ATP13A4: variants seen among roughly 807,000 people sequenced by gnomAD.
The protein encoded by ATP13A4 is probable cation-transporting ATPase 13A4.
In ATP13A4, 114 loss-of-function variants were observed where a neutral mutation model predicts 142.5. The ratio of observed to expected loss-of-function variants is 0.80; its 90% CI spans 0.69 to 0.93. The LOEUF (loss-of-function observed/expected upper bound fraction) is 0.93. Among genes scored for constraint, ATP13A4 ranks in the 40% least tolerant of loss-of-function variants. The probability of loss-of-function intolerance (pLI) is 0.00; values close to 1 mark genes in which losing one functional copy is unlikely to be tolerated. For synonymous variants in ATP13A4, 488 were observed against 514.8 expected, an observed-to-expected ratio of 0.95 and a Z score of 0.70; for missense variants, 1,392 against 1,454.0, an observed-to-expected ratio of 0.96 and a Z score of 0.69.
At chr3:193,556,288 T>G (rs1325374326), upstream of ATP13A4, among the ~76,000 whole-genome samples, 2 of 152,156 alleles carry the variant, frequency 1.3e-5, no homozygotes, top group African/African-American at 4.8e-5. Context: ...CCACTGTCTG[T>G]CCCTCAAGCT....
intron 29 of ATP13A4, among the ~76,000 whole-genome samples, 171 bp from the exon 30 acceptor site, chr3:193,403,035 T>C (rs566000425): frequency 6.6e-6 from 1 of 152,328 alleles, no homozygotes; most frequent in African/African-American, 2.4e-5. Flanking sequence ...TATTGGTTTC[T>C]CAAACGTTTC....
chr3:193,465,100 G>A lies in ATP13A4; in HGVS notation c.1301C>T (p.Ala434Val), dbSNP rs1465457237. 6.8e-6 allele frequency: 11 copies of A among 1,614,014 alleles called. No homozygotes were observed. The highest frequency in any genetic ancestry group is 2.2e-5 in the East Asian group (1 of 44,882). Residue 434 changes from alanine (A) to valine (V), a missense_variant, in exon 12 of 30, where the codon GCC (alanine) becomes GTC (valine). By Grantham distance (64) the Ala-to-Val change is moderately conservative. Coordinates refer to ENST00000342695, the MANE Select transcript of ATP13A4 (RefSeq NM_032279.4). The part of the protein sequence containing the change: ...GEPPEEVVRK[A>V]LDVITIAVPP... ...AACCGCAATTGTGATGACGTCAAGG[G>A]CTTTCCTCACCACCTCCTCTGGAGG... is the stretch of plus-strand genomic sequence containing the variant.
rs564492831 is a variant in ATP13A4, at chr3:193,582,478, T to C, written n.92-572A>G. ...ATACTTTAATATATGCATGTACATA[T>C]AATATATACATGTATATACTTATAA... On this transcript the variant is annotated intron_variant and non_coding_transcript_variant, in intron 1 of 3. Coordinates refer to the ATP13A4 transcript ENST00000489140. 4.1e-5 allele frequency among the ~76,000 whole-genome samples: 6 copies of C among 145,220 alleles called. No homozygotes were observed. In the South Asian group the frequency reaches 1.1e-3, roughly 25 times the overall value.
intron 2 of ATP13A4, among the ~76,000 whole-genome samples, chr3:193,566,670 A>G (rs960315333): frequency 2.0e-5 from 3 of 151,948 alleles, no homozygotes; most frequent in African/African-American, 7.3e-5. Context: ...ATTCCTTTCC[A>G]CTACATTCCT....
At chr3:193,523,275 G>C (rs1198753240) in intron 1 of ATP13A4, among the ~76,000 whole-genome samples, 4 of 151,620 alleles carry the variant, frequency 2.6e-5, no homozygotes, top group Non-Finnish European at 5.9e-5. Context: ...TTGTACTCCA[G>C]GCTGGGCAAC....
At chr3:193,413,456 C>T (rs549073014) in intron 26 of ATP13A4, among the ~76,000 whole-genome samples, 27 of 152,266 alleles carry the variant, frequency 1.8e-4, no homozygotes, top group Middle Eastern at 3.4e-3. Context: ...GGGCTGACTG[C>T]CTACAGGGTC....
chr3:193,446,473 C>T (rs919271274), intron 18 of ATP13A4, among the ~76,000 whole-genome samples: 1 of 152,144 alleles, frequency 6.6e-6, no homozygotes, highest in Non-Finnish European at 1.5e-5. Context: ...CAATTCAAAA[C>T]TTTTTAAGTG....
intron 21 of ATP13A4, among the ~76,000 whole-genome samples, chr3:193,439,892 CA>C (rs1369457931): frequency 1.3e-5 from 2 of 152,084 alleles, no homozygotes; most frequent in African/African-American, 4.8e-5. Context: ...AATAGGAGGG[CA>C]GAGCAGAAAC....
chr3:193,413,800 C>T (rs529446133), intron 26 of ATP13A4, among the ~76,000 whole-genome samples: 4 of 152,306 alleles, frequency 2.6e-5, no homozygotes, highest in African/African-American at 9.6e-5. Context: ...TTTATCAAGA[C>T]AATATATGCA....
chr3:193,562,945 T>A (rs538481949), intron 2 of ATP13A4, among the ~76,000 whole-genome samples: 1 of 152,038 alleles, frequency 6.6e-6, no homozygotes, highest in African/African-American at 2.4e-5. Flanking sequence ...CCATGAAAAA[T>A]TTGGCAAGTT....
At chr3:193,456,656 C>A (rs1042582572) in intron 16 of ATP13A4, among the ~76,000 whole-genome samples, 1 of 152,072 alleles carries the variant, frequency 6.6e-6, no homozygotes, top group African/African-American at 2.4e-5. Flanking sequence ...GTCAATCCAC[C>A]AACTATTGAA....
At position 193,438,569 on chromosome 3, in the gene ATP13A4, G is replaced by A. The variant is rs868804050; in HGVS notation, c.2578C>T (p.His860Tyr). The A allele has an allele frequency of 6.2e-7, 1 of 1,614,004 alleles. No individual in the cohort carries two copies. Among genetic ancestry groups the A allele is most frequent in the Admixed American group, 1.7e-5 (1 of 60,002 alleles). ...TGCTCTGATAATGAGATGCCCACAT[G>A]AGCCATTTTCAGAGCCTGAAAGCAA... is the stretch of plus-strand genomic sequence containing the variant. The part of the protein sequence containing the change: ...ANDCGALKMA[H>Y]VGISLSEQEA... The change falls in exon 23 of 30, where the codon CAT becomes TAT. Residue 860 changes from histidine to tyrosine, a missense_variant. Coordinates refer to ENST00000342695, the MANE Select transcript of ATP13A4 (RefSeq NM_032279.4).
intron 25 of ATP13A4, among the ~76,000 whole-genome samples, chr3:193,426,212 C>G (rs527615314): frequency 4.0e-4 from 60 of 151,878 alleles, no homozygotes; most frequent in African/African-American, 1.4e-3. Flanking sequence ...CATCGTGTTT[C>G]TGTACACCAG....
At chr3:193,543,651 A>G (rs1315696552) in intron 1 of ATP13A4, among the ~76,000 whole-genome samples, 1 of 152,218 alleles carries the variant, frequency 6.6e-6, no homozygotes, top group African/African-American at 2.4e-5. Flanking sequence ...GAATGCTACA[A>G]AGAACATCAC....
At chr3:193,450,146 A>T (rs141662362) in intron 17 of ATP13A4, among the ~76,000 whole-genome samples, 86 of 151,708 alleles carry the variant, frequency 5.7e-4, no homozygotes, top group Middle Eastern at 6.9e-3. Context: ...AAAGAAAAGG[A>T]ATAATTGCTC....
chr3:193,410,931 A>C, intron 28 of ATP13A4, 51 bp downstream of exon 28: 2 of 1,192,248 alleles, frequency 1.7e-6, no homozygotes, highest in Non-Finnish European at 2.5e-6. Flanking sequence ...TTTTAAAGTT[A>C]AACTGTTACA....
At chr3:193,406,762 T>C (rs979578674) in intron 29 of ATP13A4, among the ~76,000 whole-genome samples, 1 of 152,196 alleles carries the variant, frequency 6.6e-6, no homozygotes, top group African/African-American at 2.4e-5. Context: ...GGCCACATAT[T>C]GTATGGTTTC....
rs1717430375 is a variant in ATP13A4 at position 193,453,997 on chromosome 3, C to T, written c.2027+104G>A. 3 of 949,562 alleles carry T rather than the reference C, an allele frequency of 3.2e-6. No individual in the cohort carries two copies. In the African/African-American group the frequency reaches 4.8e-5, roughly 15 times the overall value. The allele number at this position is 949,562 out of a possible 1,614,324, so 58.8% of individuals were successfully genotyped here. ...CAGCAAGCTACATTGCTCTGTCCACCACCCAGAACCCCTAAGTCCATCCCA... is the reference window on the plus strand; with the variant it reads ...CAGCAAGCTACATTGCTCTGTCCACTACCCAGAACCCCTAAGTCCATCCCA... On this transcript the variant is annotated intron_variant, in intron 17 of 29. Transcript: ENST00000342695.
intron 1 of ATP13A4, among the ~76,000 whole-genome samples, chr3:193,521,919 C>T (rs953417449): frequency 2.0e-5 from 3 of 151,052 alleles, no homozygotes; most frequent in African/African-American, 4.9e-5. Flanking sequence ...GGCCACAGAG[C>T]GAGACTGCAT....
Sources: allele counts gnomAD v4.1 joint callset (sites outside exome capture counted in the v4.1 genomes callset), GRCh38; gene constraint gnomAD v4.1.1; transcripts MANE v1.5; gene names NCBI Gene and HGNC (gene_info 2026-07-23, HGNC 2026-07-21).